The following LGSN variants were observed in gnomAD, a reference collection of about 807,000 sequenced individuals.
LGSN encodes the protein lengsin, lens protein with glutamine synthetase domain.
LGSN carries 21 observed loss-of-function variants against 19.5 expected under a neutral mutation model. The observed-to-expected ratio is 1.07, with a 90% confidence interval of 0.76 to 1.55. LGSN has a LOEUF of 1.55. LGSN is among the 40% of genes most tolerant of loss of function. The pLI is 0.00. For synonymous variants in LGSN, 257 were observed against 215.6 expected (o/e 1.19, Z -1.68); for missense variants, 673 against 608.5 (o/e 1.11, Z -1.12).
the LGSN span, among the ~76,000 whole-genome samples, chr6:63,426,066 G>A: frequency 6.6e-6 from 1 of 152,018 alleles, no homozygotes; most frequent in East Asian, 1.9e-4. Context: ...TTAATGCAAG[G>A]GAAAGGACCA....
At chr6:63,570,727 G>A in the LGSN span, among the ~76,000 whole-genome samples, 1 of 152,346 alleles carries the variant, frequency 6.6e-6, no homozygotes, top group Admixed American at 6.5e-5. Context: ...AACTTGTGGA[G>A]TAAGAGTGGC....
At chr6:63,566,021 C>T in the LGSN span, among the ~76,000 whole-genome samples, 3 of 152,230 alleles carry the variant, frequency 2.0e-5, no homozygotes, top group Non-Finnish European at 4.4e-5. Context: ...AAGCCACATG[C>T]ATTTTTTGGT....
the LGSN span, among the ~76,000 whole-genome samples, chr6:63,337,507 C>G: frequency 6.6e-6 from 1 of 150,406 alleles, no homozygotes; most frequent in Non-Finnish European, 1.5e-5. Flanking sequence ...TAAATAAATA[C>G]AAAAAAGACT....
chr6:63,300,844 A>G (rs1487927826), intron 1 of LGSN, among the ~76,000 whole-genome samples: 1 of 152,192 alleles, frequency 6.6e-6, no homozygotes, highest in Non-Finnish European at 1.5e-5. Flanking sequence ...AAAATAATTG[A>G]GGAAACATCT....
the LGSN span, among the ~76,000 whole-genome samples, chr6:63,328,656 T>G: frequency 6.6e-6 from 1 of 152,198 alleles, no homozygotes; most frequent in Middle Eastern, 3.2e-3. Flanking sequence ...CGAGTCTGAG[T>G]AAGGACTCCA....
At chr6:63,459,544 C>T in the LGSN span, among the ~76,000 whole-genome samples, 12 of 152,098 alleles carry the variant, frequency 7.9e-5, no homozygotes, top group South Asian at 6.2e-4. Context: ...TGTGAGCCAC[C>T]ATACCCACCC....
intron 1 of LGSN, among the ~76,000 whole-genome samples, chr6:63,296,139 G>T (rs1767969668): frequency 6.6e-6 from 1 of 151,878 alleles, no homozygotes; most frequent in Non-Finnish European, 1.5e-5. Context: ...TTTTTTGCTT[G>T]CTTATATGTA....
the LGSN span, among the ~76,000 whole-genome samples, chr6:63,329,221 G>T: frequency 6.6e-6 from 1 of 152,186 alleles, no homozygotes; most frequent in Non-Finnish European, 1.5e-5. Flanking sequence ...ACAGATGAGG[G>T]CTATCCCTAA....
chr6:63,317,477 C>G (rs1768909731), intron 1 of LGSN, among the ~76,000 whole-genome samples: 2 of 152,136 alleles, frequency 1.3e-5, no homozygotes, highest in South Asian at 4.1e-4. Context: ...ACTGAGAATT[C>G]TTAAATGGAG....
chr6:63,399,026 C>T, the LGSN span, among the ~76,000 whole-genome samples: 6 of 152,284 alleles, frequency 3.9e-5, no homozygotes, highest in Admixed American at 3.3e-4. Context: ...AGGCTGGTCT[C>T]AAACTCCTAG....
At chr6:63,307,476 CTT>C (rs1328901016) in intron 1 of LGSN, among the ~76,000 whole-genome samples, 2 of 152,188 alleles carry the variant, frequency 1.3e-5, no homozygotes, top group African/African-American at 2.4e-5. Context: ...TTCTTTAACT[CTT>C]TAATTGATGG....
chr6:63,538,508 C>G, the LGSN span, among the ~76,000 whole-genome samples: 1 of 152,074 alleles, frequency 6.6e-6, no homozygotes, highest in East Asian at 1.9e-4. Flanking sequence ...GTTACATGTT[C>G]AGTATTTGAA....
At chr6:63,389,573 G>A in the LGSN span, among the ~76,000 whole-genome samples, 1 of 152,126 alleles carries the variant, frequency 6.6e-6, no homozygotes, top group Non-Finnish European at 1.5e-5. Context: ...GGAAAGCATG[G>A]CTTCTGTTTT....
the LGSN span, among the ~76,000 whole-genome samples, chr6:63,479,220 C>T: frequency 6.6e-6 from 1 of 152,110 alleles, no homozygotes; most frequent in Admixed American, 6.6e-5. Flanking sequence ...CAACTGCTTT[C>T]AAAGCGTATC....
chr6:63,562,205 T>C, the LGSN span, among the ~76,000 whole-genome samples: 1 of 151,054 alleles, frequency 6.6e-6, no homozygotes, highest in Admixed American at 6.6e-5. Context: ...CTTTTTCTTT[T>C]TTTTTTTTTT....
At chr6:63,483,883 G>GT in the LGSN span, among the ~76,000 whole-genome samples, 1 of 150,924 alleles carries the variant, frequency 6.6e-6, no homozygotes, top group Non-Finnish European at 1.5e-5. Context: ...CTTTAAAGAA[G>GT]TATCTCCAGT....
the LGSN span, among the ~76,000 whole-genome samples, chr6:63,502,782 A>C: frequency 6.6e-6 from 1 of 152,228 alleles, no homozygotes; most frequent in Non-Finnish European, 1.5e-5. Context: ...GGAGGATTCA[A>C]GTCAAATCAA....
At chr6:63,288,659 T>C (rs1390069191) in intron 2 of LGSN, among the ~76,000 whole-genome samples, 2 of 152,202 alleles carry the variant, frequency 1.3e-5, no homozygotes, top group Non-Finnish European at 1.5e-5. Context: ...AAATTTATTT[T>C]CTCATAGTTC....
chr6:63,365,452 A>T, the LGSN span, among the ~76,000 whole-genome samples: 25 of 146,068 alleles, frequency 1.7e-4, no homozygotes, highest in Middle Eastern at 6.8e-3. Flanking sequence ...TTAATAGCCT[A>T]CCAACCAAAA....
Sources: allele counts gnomAD v4.1 joint callset (sites outside exome capture counted in the v4.1 genomes callset), GRCh38; gene constraint gnomAD v4.1.1; transcripts MANE v1.5; gene names NCBI Gene and HGNC (gene_info 2026-07-23, HGNC 2026-07-21).